Variants in MIS18A observed in about 807,000 individuals in gnomAD.
MIS18A encodes MIS18 kinetochore protein A.
A neutral mutation model predicts 25.0 loss-of-function variants in MIS18A; 14 were observed. That is an observed-to-expected ratio of 0.56 (90% CI 0.37 to 0.88). The LOEUF (loss-of-function observed/expected upper bound fraction) is 0.88, where lower values mean the gene tolerates loss of function less well. Ranked by LOEUF, MIS18A falls within the 40% of genes least tolerant of loss-of-function variation. The probability of loss-of-function intolerance (pLI) is 0.00; values close to 1 mark genes in which losing one functional copy is unlikely to be tolerated. For synonymous variants in MIS18A, 134 were observed against 118.6 expected, an observed-to-expected ratio of 1.13 and a Z score of -0.84; for missense variants, 292 against 290.8, an observed-to-expected ratio of 1.00 and a Z score of -0.03.
At chr21:32,203,759 G>A in the MIS18A span, among the ~76,000 whole-genome samples, 1 of 151,820 alleles carries the variant, frequency 6.6e-6, no homozygotes, top group South Asian at 2.1e-4. Context: ...TGGGACTACA[G>A]GAACATGCCA....
At chr21:32,218,200 A>C in the MIS18A span, among the ~76,000 whole-genome samples, 3 of 150,864 alleles carry the variant, frequency 2.0e-5, no homozygotes, top group Admixed American at 2.0e-4. Flanking sequence ...CTCAAAAAAA[A>C]AAAAAAAAAA....
rs748052330 is a variant in MIS18A, at chr21:32,278,868, C to A, written c.147G>T (p.Ala49=). 1.2e-5 allele frequency: 19 copies of A among 1,613,018 alleles called. No individual in the cohort carries two copies. The highest frequency in any genetic ancestry group is 3.3e-4 in the Middle Eastern group (2 of 6,082). The change falls in exon 1 of 5, where the codon GCG becomes GCT. Residue 49 remains alanine, a synonymous_variant. Transcript: ENST00000290130. ...SSRHQLLQKW[A]SMWSSMSEDA... is the part of the protein sequence containing the mutation. ...CTTCGCTCATGGAGCTCCACATGCTCGCCCACTTCTGCAACAGCTGGTGGC... is the reference window on the plus strand; with the variant it reads ...CTTCGCTCATGGAGCTCCACATGCTAGCCCACTTCTGCAACAGCTGGTGGC...
the MIS18A span, among the ~76,000 whole-genome samples, chr21:32,259,444 A>C: frequency 6.6e-6 from 1 of 152,106 alleles, no homozygotes; most frequent in Non-Finnish European, 1.5e-5. Flanking sequence ...TTTCCCCCTA[A>C]GAAAGAGTAT....
At chr21:32,170,353 C>T in the MIS18A span, among the ~76,000 whole-genome samples, 1 of 152,066 alleles carries the variant, frequency 6.6e-6, no homozygotes. Context: ...TTTATTTGAC[C>T]AGACTGAGAG....
At chr21:32,156,518 C>T in the MIS18A span, 5 of 152,142 alleles carry the variant, frequency 3.3e-5, no homozygotes, top group Non-Finnish European at 7.4e-5. Context: ...AAGGGGAAAA[C>T]ATCCCCCAGT....
chr21:32,162,305 T>C, the MIS18A span, among the ~76,000 whole-genome samples: 1 of 152,148 alleles, frequency 6.6e-6, no homozygotes, highest in Non-Finnish European at 1.5e-5. Flanking sequence ...CTTTCCCAAC[T>C]GCACTTCCTA....
At chr21:32,250,177 C>T in the MIS18A span, among the ~76,000 whole-genome samples, 390 of 151,412 alleles carry the variant, frequency 2.6e-3, 15 homozygotes, top group East Asian at 0.065. Context: ...ATTCTTGCCC[C>T]TTTTTTTTTC....
chr21:32,176,074 T>C, the MIS18A span, among the ~76,000 whole-genome samples: 2 of 152,192 alleles, frequency 1.3e-5, no homozygotes. Flanking sequence ...ATAACAATGC[T>C]GTCTTCTGGA....
the MIS18A span, among the ~76,000 whole-genome samples, chr21:32,211,261 G>A: frequency 2.0e-5 from 3 of 152,136 alleles, no homozygotes; most frequent in African/African-American, 2.4e-5. Context: ...GGCTGGTCTC[G>A]AACTCCTGAC....
chr21:32,166,533 C>G, the MIS18A span, among the ~76,000 whole-genome samples: 1 of 151,904 alleles, frequency 6.6e-6, no homozygotes, highest in Non-Finnish European at 1.5e-5. Flanking sequence ...GACATGACAG[C>G]CAAACTGAAA....
chr21:32,185,032 A>G, the MIS18A span, among the ~76,000 whole-genome samples: 1 of 152,008 alleles, frequency 6.6e-6, no homozygotes, highest in Non-Finnish European at 1.5e-5. Context: ...AGGCTGCTTA[A>G]AGCATTTCCC....
At chr21:32,275,319 C>G (rs904513997) in intron 1 of MIS18A, among the ~76,000 whole-genome samples, 1 of 152,198 alleles carries the variant, frequency 6.6e-6, no homozygotes, top group African/African-American at 2.4e-5. Context: ...GGGGAAAATT[C>G]ATTCCACAGT....
At chr21:32,218,010 G>A in the MIS18A span, among the ~76,000 whole-genome samples, 2 of 151,740 alleles carry the variant, frequency 1.3e-5, no homozygotes, top group African/African-American at 4.8e-5. Context: ...TGGCTAACAT[G>A]GTGAAATCCC....
At chr21:32,240,963 G>A in the MIS18A span, among the ~76,000 whole-genome samples, 2 of 152,210 alleles carry the variant, frequency 1.3e-5, no homozygotes, top group African/African-American at 4.8e-5. Flanking sequence ...AGACTTGACA[G>A]ATGCTGCTTA....
At chr21:32,172,781 A>G in the MIS18A span, among the ~76,000 whole-genome samples, 2 of 152,152 alleles carry the variant, frequency 1.3e-5, no homozygotes, top group African/African-American at 4.8e-5. Context: ...AATGGAATAG[A>G]ATTGGGAGTT....
the MIS18A span, among the ~76,000 whole-genome samples, chr21:32,221,723 CAAAAAA>C: frequency 6.4e-5 from 7 of 108,696 alleles, no homozygotes; most frequent in South Asian, 8.4e-4. Context: ...ACGAATAATA[CAAAAAA>C]AAAAAAAAAA....
At chr21:32,167,164 C>T in the MIS18A span, among the ~76,000 whole-genome samples, 1 of 152,160 alleles carries the variant, frequency 6.6e-6, no homozygotes, top group African/African-American at 2.4e-5. Context: ...ATGTTCTTCT[C>T]TTCTGTTGTC....
the MIS18A span, among the ~76,000 whole-genome samples, chr21:32,204,647 G>A: frequency 6.6e-6 from 1 of 152,098 alleles, no homozygotes; most frequent in Non-Finnish European, 1.5e-5. Context: ...GTTCATGCCT[G>A]TAATCCCACC....
the MIS18A span, among the ~76,000 whole-genome samples, chr21:32,232,728 CTG>C: frequency 0.023 from 3,523 of 151,982 alleles, 141 homozygotes; most frequent in African/African-American, 0.079. Flanking sequence ...AGAATTAAAA[CTG>C]TGGTTACCAG....
Sources: allele counts gnomAD v4.1 joint callset (sites outside exome capture counted in the v4.1 genomes callset), GRCh38; gene constraint gnomAD v4.1.1; transcripts MANE v1.5; gene names NCBI Gene and HGNC (gene_info 2026-07-23, HGNC 2026-07-21).